The following TARS3 variants were observed in gnomAD, a reference collection of about 807,000 sequenced individuals.
The protein encoded by TARS3 is threonyl-tRNA synthetase 3, also known as threonine--tRNA ligase 2, cytoplasmic.
A neutral mutation model predicts 103.5 loss-of-function variants in TARS3; 94 were observed. The ratio of observed to expected loss-of-function variants is 0.91; its 90% CI spans 0.77 to 1.08. The LOEUF is 1.08. Among genes scored for constraint, TARS3 ranks in the 50% least tolerant of loss-of-function variants. TARS3 has a pLI of 0.00. For synonymous variants in TARS3, 416 were observed against 355.4 expected, an observed-to-expected ratio of 1.17 and a Z score of -1.92; for missense variants, 952 against 995.2, an observed-to-expected ratio of 0.96 and a Z score of 0.58.
chr15:101,690,170 G>A (rs1366917997), intron 10 of TARS3, among the ~76,000 whole-genome samples: 1 of 152,198 alleles, frequency 6.6e-6, no homozygotes, highest in Non-Finnish European at 1.5e-5. Flanking sequence ...GAGCCAGGCT[G>A]GTTATTTTCC....
At chr15:101,682,512 C>T (rs1044322490) in intron 12 of TARS3, among the ~76,000 whole-genome samples, 1 of 151,872 alleles carries the variant, frequency 6.6e-6, no homozygotes, top group African/African-American at 2.4e-5. Context: ...TTAAGATGTC[C>T]TTTTTAAAAA....
intron 12 of TARS3, among the ~76,000 whole-genome samples, chr15:101,680,648 G>A (rs1221924733): frequency 1.3e-5 from 2 of 152,104 alleles, no homozygotes; most frequent in Non-Finnish European, 2.9e-5. Context: ...TGTTTAACTG[G>A]GTTGTCTGTT....
At position 101,705,628 on chromosome 15, in the gene TARS3, T is replaced by C. The variant is rs1336386670; in HGVS notation, c.995+55A>G. On this transcript the variant is annotated intron_variant, in intron 7 of 18. Coordinates refer to ENST00000335968, the MANE Select transcript of TARS3 (RefSeq NM_152334.3). Reference sequence around the variant, plus strand: ...ACCAGAAAACAAACTCGGCCTCTACTGCTAACACCTTCAAGTTTACCACTG... The same window carrying C: ...ACCAGAAAACAAACTCGGCCTCTACCGCTAACACCTTCAAGTTTACCACTG... 4 of 1,502,396 alleles carry C rather than the reference T, an allele frequency of 2.7e-6. No individual in the cohort carries two copies. The African/African-American group carries it at 5.5e-5, about 21-fold the overall frequency. The allele number at this position is 1,502,396 out of a possible 1,614,324, so 93.1% of individuals were successfully genotyped here.
At chr15:101,676,129 G>A (rs947035155) in intron 12 of TARS3, among the ~76,000 whole-genome samples, 4 of 152,104 alleles carry the variant, frequency 2.6e-5, no homozygotes, top group Admixed American at 6.5e-5. Context: ...AGACTAAGTC[G>A]GGGGGCTGCA....
intron 10 of TARS3, among the ~76,000 whole-genome samples, chr15:101,697,832 T>C (rs1371761101): frequency 6.6e-6 from 1 of 152,160 alleles, no homozygotes; most frequent in Non-Finnish European, 1.5e-5. Context: ...CAGTGTACTA[T>C]TGTCTCACAG....
chr15:101,688,323 G>A (rs1898562431), intron 10 of TARS3, among the ~76,000 whole-genome samples: 1 of 152,116 alleles, frequency 6.6e-6, no homozygotes, highest in Non-Finnish European at 1.5e-5. Flanking sequence ...AGTAAAATAT[G>A]TCTCATGCCA....
intron 12 of TARS3, among the ~76,000 whole-genome samples, chr15:101,678,476 AG>A (rs1898120838): frequency 6.7e-6 from 1 of 149,908 alleles, no homozygotes; most frequent in Non-Finnish European, 1.5e-5. Context: ...ATTTATCTAT[AG>A]GTTCTCTTAG....
intron 18 of TARS3, among the ~76,000 whole-genome samples, 195 bp from the exon 19 acceptor site, chr15:101,654,925 C>T (rs1045228025): frequency 7.9e-5 from 12 of 152,234 alleles, no homozygotes; most frequent in African/African-American, 2.7e-4. Context: ...TCTCTATTGT[C>T]CACCTGAGAG....
intron 18 of TARS3, among the ~76,000 whole-genome samples, chr15:101,656,560 T>G (rs1026488730): frequency 1.3e-5 from 2 of 152,232 alleles, no homozygotes; most frequent in African/African-American, 4.8e-5. Flanking sequence ...TCCCAAAGTT[T>G]CCTAATAAGC....
At chr15:101,684,714 C>T (rs900648882) in intron 11 of TARS3, among the ~76,000 whole-genome samples, 4 of 152,174 alleles carry the variant, frequency 2.6e-5, no homozygotes, top group African/African-American at 9.7e-5. Context: ...TCTTAATCAC[C>T]TCTGCACTTC....
At chr15:101,714,084 A>G (rs146475900) in intron 4 of TARS3, among the ~76,000 whole-genome samples, 65 of 152,348 alleles carry the variant, frequency 4.3e-4, no homozygotes, top group African/African-American at 1.5e-3. Context: ...GCGACAACGT[A>G]TATCAGAAAT....
intron 7 of TARS3, 72 bp downstream of exon 7, chr15:101,705,611 A>C: frequency 1.5e-6 from 2 of 1,321,846 alleles, no homozygotes; most frequent in Non-Finnish European, 2.1e-6. Context: ...CAACCAGAAA[A>C]CAAACTCGGC....
At chr15:101,701,337 T>A (rs1899264685) in intron 9 of TARS3, among the ~76,000 whole-genome samples, 153 bp from the exon 10 acceptor site, 1 of 152,266 alleles carries the variant, frequency 6.6e-6, no homozygotes, top group African/African-American at 2.4e-5. Flanking sequence ...CAACAGCATA[T>A]GTAAAATTTC....
chr15:101,710,846 G>T (rs935660230), intron 5 of TARS3, among the ~76,000 whole-genome samples: 4 of 152,162 alleles, frequency 2.6e-5, no homozygotes. Flanking sequence ...AACTATTTAG[G>T]AGATAAAATT....
At chr15:101,682,377 GAAGAT>G (rs1330044346) in intron 12 of TARS3, among the ~76,000 whole-genome samples, 1 of 152,120 alleles carries the variant, frequency 6.6e-6, no homozygotes, top group Non-Finnish European at 1.5e-5. Flanking sequence ...CATCTACTGA[GAAGAT>G]AATATGCTTT....
intron 6 of TARS3, 32 bp from the exon 7 acceptor site, chr15:101,705,779 C>A (rs773493135): frequency 1.3e-6 from 2 of 1,501,654 alleles, no homozygotes; most frequent in Non-Finnish European, 1.8e-6. Context: ...CACATTATTA[C>A]ACACAATGTT....
At chr15:101,654,759 T>A (rs183289395) in intron 18 of TARS3, 29 bp from the exon 19 acceptor site, 443 of 1,603,286 alleles carry the variant, frequency 2.8e-4, no homozygotes, top group Middle Eastern at 6.6e-4. Flanking sequence ...AAGAAATGTA[T>A]TTTAAATCAG....
rs369018934 is a variant in TARS3, at chr15:101,687,290, C to T, written c.1321-1228G>A. Among the ~76,000 whole-genome samples, 8 of 152,260 alleles carry T rather than the reference C, an allele frequency of 5.3e-5. No individual in the cohort carries two copies. The East Asian group carries it at 1.5e-3, about 29-fold the overall frequency. The stretch of plus-strand genomic sequence containing the variant: ...TGGTGGCACACACCTGTAATCCCAG[C>T]TACTCAGGAGGCTGAAGCAGGAGAA... On this transcript the variant is annotated intron_variant, in intron 10 of 18. Coordinates refer to ENST00000335968, the MANE Select transcript of TARS3 (RefSeq NM_152334.3).
intron 11 of TARS3, among the ~76,000 whole-genome samples, chr15:101,685,266 C>T (rs1898419543): frequency 6.6e-6 from 1 of 152,038 alleles, no homozygotes; most frequent in Non-Finnish European, 1.5e-5. Context: ...TTCAGTTGTA[C>T]AATATGTTTG....
Sources: gnomAD v4.1 joint callset for allele counts (sites outside exome capture counted in the v4.1 genomes callset) on GRCh38, gnomAD v4.1.1 for gene constraint, MANE v1.5 for transcripts, NCBI Gene and HGNC (gene_info 2026-07-23, HGNC 2026-07-21) for gene names.